Variants in KCNIP4 observed in about 807,000 individuals in gnomAD.
KCNIP4 encodes the protein Kv channel-interacting protein 4.
KCNIP4 carries 12 observed loss-of-function variants against 34.0 expected under a neutral mutation model. The observed-to-expected ratio is 0.35, with a 90% CI of 0.23 to 0.57. The LOEUF (loss-of-function observed/expected upper bound fraction) is 0.57. Ranked by LOEUF, KCNIP4 falls within the 20% of genes least tolerant of loss-of-function variation. KCNIP4 has a pLI of 0.83. For missense variants in KCNIP4, 238 were observed against 311.7 expected (o/e 0.76, Z 1.78); for synonymous variants, 124 against 102.2 (o/e 1.21, Z -1.29).
At chr4:21,860,777 G>A (rs1725029044) in intron 1 of KCNIP4, among the ~76,000 whole-genome samples, 1 of 152,166 alleles carries the variant, frequency 6.6e-6, no homozygotes, top group Admixed American at 6.5e-5. Flanking sequence ...CTATGTAGTT[G>A]TATAGATATA....
rs113127211 is a variant in KCNIP4 at position 21,319,037 on chromosome 4, C to G, written c.62-436328G>C. On this transcript the variant is annotated intron_variant, in intron 1 of 8. Coordinates refer to ENST00000382152, the MANE Select transcript of KCNIP4 (RefSeq NM_025221.6). ...ACTCTAAGCAGATGACCTATCACGACAATTTAAAGAGAGAACTTATGAAAT... is the reference window on the plus strand; with the variant it reads ...ACTCTAAGCAGATGACCTATCACGAGAATTTAAAGAGAGAACTTATGAAAT... Among the ~76,000 whole-genome samples the G allele has an allele frequency of 2.6e-5, 4 of 152,232 alleles. 1 individual carries two copies. The highest frequency in any genetic ancestry group is 9.6e-5 in the African/African-American group (4 of 41,530).
chr4:21,944,781 C>T (rs921652316), intron 1 of KCNIP4, among the ~76,000 whole-genome samples: 1 of 152,140 alleles, frequency 6.6e-6, no homozygotes, highest in Admixed American at 6.6e-5. Context: ...CAGCATGAAA[C>T]ATCCCAGTGA....
intron 1 of KCNIP4, among the ~76,000 whole-genome samples, chr4:21,724,867 A>G (rs934290175): frequency 5.9e-5 from 9 of 152,068 alleles, no homozygotes; most frequent in Admixed American, 6.6e-5. Flanking sequence ...CTGCAGCATA[A>G]CAGACCTAAC....
chr4:21,818,050 C>A (rs185678494), intron 1 of KCNIP4, among the ~76,000 whole-genome samples: 2 of 152,250 alleles, frequency 1.3e-5, no homozygotes, highest in African/African-American at 2.4e-5. Context: ...TGTTCTTACA[C>A]CCCTTCCCTT....
chr4:20,960,403 C>CA (rs1175171038), intron 1 of KCNIP4, among the ~76,000 whole-genome samples: 5 of 152,294 alleles, frequency 3.3e-5, no homozygotes, highest in Non-Finnish European at 2.9e-5. Context: ...AGGAAAGCAG[C>CA]AAAAAATCTG....
intron 1 of KCNIP4, among the ~76,000 whole-genome samples, chr4:21,603,240 G>GTA (rs1743350402): frequency 2.6e-5 from 4 of 151,986 alleles, no homozygotes; most frequent in Admixed American, 2.0e-4. Flanking sequence ...CCTCTTCTGT[G>GTA]TCTGTAAAAT....
chr4:21,384,610 C>T (rs1272746903), intron 1 of KCNIP4, among the ~76,000 whole-genome samples: 2 of 152,196 alleles, frequency 1.3e-5, no homozygotes, highest in African/African-American at 2.4e-5. Flanking sequence ...CCTGTAAGAA[C>T]ACATTGAACA....
intron 1 of KCNIP4, among the ~76,000 whole-genome samples, chr4:21,662,235 A>T (rs1748507727): frequency 6.6e-6 from 1 of 152,196 alleles, no homozygotes; most frequent in Admixed American, 6.5e-5. Context: ...GAAGATACTG[A>T]CATTTGTTAT....
chr4:21,010,066 C>T (rs957711456), intron 1 of KCNIP4, among the ~76,000 whole-genome samples: 5 of 152,170 alleles, frequency 3.3e-5, no homozygotes, highest in Admixed American at 2.6e-4. Flanking sequence ...CTAATTACTT[C>T]CCAAAGGACT....
chr4:21,868,034 T>C (rs916373163), intron 1 of KCNIP4, among the ~76,000 whole-genome samples: 2 of 152,130 alleles, frequency 1.3e-5, no homozygotes, highest in African/African-American at 4.8e-5. Context: ...TAGCCAAAAA[T>C]ATTTGCCGAC....
chr4:21,250,346 A>C (rs981317382), intron 1 of KCNIP4, among the ~76,000 whole-genome samples: 1 of 152,182 alleles, frequency 6.6e-6, no homozygotes, highest in Non-Finnish European at 1.5e-5. Context: ...ACAGTTACAT[A>C]GCACAATTAT....
intron 1 of KCNIP4, among the ~76,000 whole-genome samples, chr4:21,667,718 T>C (rs748331433): frequency 5.6e-4 from 86 of 152,220 alleles, no homozygotes; most frequent in Non-Finnish European, 1.1e-3. Context: ...GAAAATATTA[T>C]GAAGAATTGC....
intron 1 of KCNIP4, among the ~76,000 whole-genome samples, chr4:21,011,504 A>G (rs1011951129): frequency 2.6e-5 from 4 of 152,214 alleles, no homozygotes; most frequent in African/African-American, 9.6e-5. Context: ...AGCTTTGCAT[A>G]TCCACATTGC....
intron 1 of KCNIP4, among the ~76,000 whole-genome samples, chr4:21,385,805 T>C (rs1283886621): frequency 6.6e-6 from 1 of 152,166 alleles, no homozygotes; most frequent in East Asian, 1.9e-4. Flanking sequence ...TGCCACAGAT[T>C]TAACTGTGGA....
At chr4:21,102,823 A>C (rs1040290980) in intron 1 of KCNIP4, among the ~76,000 whole-genome samples, 10 of 152,128 alleles carry the variant, frequency 6.6e-5, no homozygotes, top group Non-Finnish European at 7.4e-5. Context: ...AATGATGCAA[A>C]AGTCCCTCTG....
At chr4:20,884,264 T>G (rs915408433) in intron 1 of KCNIP4, among the ~76,000 whole-genome samples, 1 of 152,136 alleles carries the variant, frequency 6.6e-6, no homozygotes, top group South Asian at 2.1e-4. Context: ...AACGTGCAGG[T>G]TTGTTACATA....
At chr4:21,675,325 A>C (rs1361162264) in intron 1 of KCNIP4, among the ~76,000 whole-genome samples, 2 of 152,244 alleles carry the variant, frequency 1.3e-5, no homozygotes, top group Middle Eastern at 3.4e-3. Flanking sequence ...GGAGGTGAGG[A>C]TGATTAATGG....
At chr4:21,354,273 G>T (rs1297928232) in intron 1 of KCNIP4, among the ~76,000 whole-genome samples, 1 of 152,146 alleles carries the variant, frequency 6.6e-6, no homozygotes, top group Non-Finnish European at 1.5e-5. Context: ...ACATCATAAT[G>T]ACAGGATCAA....
At chr4:21,247,948 CACACACATATATATAT>C (rs1760408053) in intron 1 of KCNIP4, among the ~76,000 whole-genome samples, 3 of 115,948 alleles carry the variant, frequency 2.6e-5, no homozygotes, top group African/African-American at 1.1e-4. Context: ...TATATATATA[CACACACATATATATAT>C]ACACACACAT....
Sources: allele counts gnomAD v4.1 joint callset (sites outside exome capture counted in the v4.1 genomes callset), GRCh38; gene constraint gnomAD v4.1.1; transcripts MANE v1.5; gene names NCBI Gene and HGNC (gene_info 2026-07-23, HGNC 2026-07-21).